Variants in ARHGDIG observed in about 807,000 individuals in gnomAD.
ARHGDIG encodes Rho GDP dissociation inhibitor gamma, also known as rho GDP-dissociation inhibitor 3.
In ARHGDIG, 14 loss-of-function variants were observed where a neutral mutation model predicts 20.2. The observed-to-expected ratio is 0.69, with a 90% CI of 0.46 to 1.08. ARHGDIG has a LOEUF of 1.08. ARHGDIG is among the 50% of genes least tolerant of loss of function. ARHGDIG has a pLI of 0.00. For synonymous variants in ARHGDIG, 193 were observed against 138.6 expected, an observed-to-expected ratio of 1.39 and a Z score of -2.76; for missense variants, 311 against 301.8, an observed-to-expected ratio of 1.03 and a Z score of -0.23.
Position 282,449 on chromosome 16 carries a change from T to G in ARHGDIG, c.415-18T>G. The G allele has an allele frequency of 6.2e-7, 1 of 1,611,696 alleles. No homozygotes were observed. The highest frequency in any genetic ancestry group is 8.5e-7 in the Non-Finnish European group (1 of 1,179,830). On this transcript the variant is annotated intron_variant, in intron 4 of 5. Transcript: ENST00000219409. Reference sequence around the variant, plus strand: ...GAGGCCTGGCCCCCAGAGGAACCCCTAATGCCTCTGTTCCCAGGTCCACAG... The same window carrying G: ...GAGGCCTGGCCCCCAGAGGAACCCCGAATGCCTCTGTTCCCAGGTCCACAG...
chr16:281,384 G>C (rs2052281083), intron 1 of ARHGDIG: 1 of 208,292 alleles, frequency 4.8e-6, no homozygotes, highest in African/African-American at 2.5e-5. Flanking sequence ...CAGTAGGTTT[G>C]GGGGCCGCCG....
intron 5 of ARHGDIG, 28 bp downstream of exon 5, chr16:282,558 C>CAGGGGGGGGGGAAAGGGGG: frequency 2.3e-6 from 3 of 1,310,076 alleles, no homozygotes; most frequent in Non-Finnish European, 3.0e-6. Flanking sequence ...GGGAACGGGG[C>CAGGGGGGGGGGAAAGGGGG]GGGGGGGGGA....
Position 281,749 on chromosome 16 carries a change from T to A in ARHGDIG, c.77T>A (p.Leu26His), listed in dbSNP as rs760173060. 3 of 1,586,556 alleles carry A rather than the reference T, an allele frequency of 1.9e-6. No individual in the cohort carries two copies. The Admixed American group carries it at 5.3e-5, about 28-fold the overall frequency. ...LLRLALCARV[L>H]LADKEGGPPA... is the part of the protein sequence containing the mutation. ...TCACGCCCCTCCCCACCCCCAGTCC[T>A]CCTGGCTGACAAGGAGGGTGGGCCG... Residue 26 changes from leucine (L) to histidine (H), a missense_variant, in exon 2 of 6, where the codon CTC (leucine) becomes CAC (histidine). By Grantham distance (99) the Leu-to-His change is moderately conservative. Transcript: ENST00000219409.
intron 3 of ARHGDIG, 75 bp downstream of exon 3, chr16:282,183 G>A (rs2052293192): frequency 6.2e-7 from 1 of 1,606,694 alleles, no homozygotes; most frequent in South Asian, 1.1e-5. Context: ...TGAGTTCCGA[G>A]CCCTGGGCCA....
At position 280,781 on chromosome 16, in the gene ARHGDIG, C is replaced by A; in HGVS notation, c.73+28C>A. 2 of 1,250,832 alleles carry A rather than the reference C, an allele frequency of 1.6e-6. No homozygotes were observed. The highest frequency in any genetic ancestry group is 2.0e-6 in the Non-Finnish European group (2 of 992,836). The allele number at this position is 1,250,832 out of a possible 1,614,324, so 77.5% of individuals were successfully genotyped here. ...GAGCGGGCCGGGCAGGGGCGGGGGGCTCGGCTGGTCTCAGCCCCGGGCGGG... is the reference window on the plus strand; with the variant it reads ...GAGCGGGCCGGGCAGGGGCGGGGGGATCGGCTGGTCTCAGCCCCGGGCGGG... On this transcript the variant is annotated intron_variant, in intron 1 of 5. Transcript: ENST00000219409. This position sits in a 1 kb window ranked among gnomAD's most constrained non-coding sequence, Gnocchi z 6.6.
At position 282,058 on chromosome 16, in the gene ARHGDIG, T is replaced by C; in HGVS notation, c.287T>C (p.Leu96Pro). The change falls in exon 3 of 6, where the codon CTG (leucine) becomes CCG (proline). Residue 96 changes from leucine to proline, a missense_variant. Coordinates refer to ENST00000219409, the MANE Select transcript of ARHGDIG (RefSeq NM_001176.4). ...PSLPNVQVTR[L>P]TLLSEQAPGP... is the part of the protein sequence containing the mutation. ...CTGCCCAATGTGCAGGTGACCAGGCTGACACTCCTGTCGGAACAGGCTCCG... is the reference window on the plus strand; with the variant it reads ...CTGCCCAATGTGCAGGTGACCAGGCCGACACTCCTGTCGGAACAGGCTCCG... The C allele has an allele frequency of 6.2e-7, 1 of 1,612,800 alleles. No individual in the cohort carries two copies. Among genetic ancestry groups the C allele is most frequent in the Non-Finnish European group, 8.5e-7 (1 of 1,179,916 alleles).
At position 282,903 on chromosome 16, in the gene ARHGDIG, T is replaced by TCCCCTGCTG. The variant is rs147027565; in HGVS notation, c.*116_*124dup. 16,265 of 1,302,440 alleles carry TCCCCTGCTG rather than the reference T, an allele frequency of 0.012. 299 individuals carry two copies. Among genetic ancestry groups the TCCCCTGCTG allele is most frequent in the African/African-American group, 0.072 (4,530 of 63,150 alleles). 80.7% of individuals were successfully genotyped at this position (1,302,440 alleles called of 1,614,324 possible). ...GCACCCCCCGTGAGTGACCAGACCC[T>TCCCCTGCTG]CCCCTGCTGCCCCTGCTGCCCCTGC... On this transcript the variant is annotated 3_prime_UTR_variant, in exon 6 of 6. Transcript: ENST00000219409.
At chr16:281,987 G>GGT in intron 2 of ARHGDIG, 38 bp from the exon 3 acceptor site, 1 of 1,605,444 alleles carries the variant, frequency 6.2e-7, no homozygotes, top group Non-Finnish European at 8.5e-7. Flanking sequence ...GCCTGGTGGG[G>GGT]GTGGGGGGCA....
intron 5 of ARHGDIG, 41 bp downstream of exon 5, chr16:282,571 C>A (rs777544650): frequency 1.9e-6 from 2 of 1,036,144 alleles, no homozygotes. Flanking sequence ...GGGGGGGAAG[C>A]GGGGGCAGAC....
chr16:282,169 C>A lies in ARHGDIG; in HGVS notation c.337+61C>A, dbSNP rs571979563. The A allele has an allele frequency of 3.1e-6, 5 of 1,607,164 alleles. No individual in the cohort carries two copies. In the African/African-American group the frequency reaches 5.3e-5, roughly 17 times the overall value. The stretch of plus-strand genomic sequence containing the variant: ...GGGCCCTCCCAGGCACGCTTCTGCA[C>A]CCCTGAGTTCCGAGCCCTGGGCCAT... On this transcript the variant is annotated intron_variant, in intron 3 of 5. Transcript: ENST00000219409.
In ARHGDIG at chr16:282,981, C is replaced by G; in HGVS notation, c.*167C>G. The G allele has an allele frequency of 1.1e-6, 1 of 898,230 alleles. No homozygotes were observed. The highest frequency in any genetic ancestry group is 1.6e-6 in the Non-Finnish European group (1 of 628,410). The allele number at this position is 898,230 out of a possible 1,614,324, so 55.6% of individuals were successfully genotyped here. The stretch of plus-strand genomic sequence containing the variant: ...GGCCTGGCGCTGTCCCCTGAGCTGT[C>G]CCATTAAACATGGCCCTGTCTCTCT... On this transcript the variant is annotated 3_prime_UTR_variant, in exon 6 of 6. Coordinates refer to ENST00000219409, the MANE Select transcript of ARHGDIG (RefSeq NM_001176.4).
chr16:282,623 A>G lies in ARHGDIG; in HGVS notation c.487A>G (p.Thr163Ala), dbSNP rs2052300054. 1 of 1,596,810 alleles carries G rather than the reference A, an allele frequency of 6.3e-7. No individual in the cohort carries two copies. The highest frequency in any genetic ancestry group is 1.7e-5 in the Admixed American group (1 of 58,708). The change falls in exon 6 of 6, where the codon ACC (threonine) becomes GCC (alanine). Residue 163 changes from threonine (T) to alanine (A), a missense_variant. By Grantham distance (58) the Thr-to-Ala change is moderately conservative. Coordinates refer to ENST00000219409, the MANE Select transcript of ARHGDIG (RefSeq NM_001176.4). ...TYRRGLRVDK[T>A]VYMVGSYGPS... ...GCCCTCGCCCTCCCTAGTGGACAAGACCGTCTACATGGTGGGCAGCTATGG... is the reference window on the plus strand; with the variant it reads ...GCCCTCGCCCTCCCTAGTGGACAAGGCCGTCTACATGGTGGGCAGCTATGG...
chr16:282,071 G>A lies in ARHGDIG; in HGVS notation c.300G>A (p.Ser100=), dbSNP rs758435281. 2.5e-5 allele frequency: 41 copies of A among 1,612,722 alleles called. No homozygotes were observed. The Middle Eastern group carries it at 4.9e-4, about 19-fold the overall frequency. ...AGGTGACCAGGCTGACACTCCTGTCGGAACAGGCTCCGGGGCCCGTCGTCA... is the reference window on the plus strand; with the variant it reads ...AGGTGACCAGGCTGACACTCCTGTCAGAACAGGCTCCGGGGCCCGTCGTCA... The part of the protein sequence containing the change: ...NVQVTRLTLL[S]EQAPGPVVMD... The change falls in exon 3 of 6, where the codon TCG becomes TCA. Residue 100 remains serine, a synonymous_variant. Coordinates refer to ENST00000219409, the MANE Select transcript of ARHGDIG (RefSeq NM_001176.4).
In ARHGDIG at chr16:281,909, C is replaced by T. The variant is rs371718533; in HGVS notation, c.237C>T (p.Pro79=). 9.4e-5 allele frequency: 151 copies of T among 1,605,986 alleles called. No individual in the cohort carries two copies. The highest frequency in any genetic ancestry group is 1.2e-4 in the Non-Finnish European group (143 of 1,178,524). ...LAKYKRVLLG[P]LPPAVDPSLP... ...AGTACAAGCGGGTGCTGCTGGGGCC[C>T]CTGCCACCGGCCGTGGGTATGGCAG... The change falls in exon 2 of 6, where the codon CCC becomes CCT. Residue 79 remains proline, a synonymous_variant. Transcript: ENST00000219409.
chr16:280,917 T>C lies in ARHGDIG; in HGVS notation c.73+164T>C. 3.2e-6 allele frequency: 1 copy of C among 313,660 alleles called. No homozygotes were observed. The highest frequency in any genetic ancestry group is 5.5e-6 in the Non-Finnish European group (1 of 181,670). The allele number at this position is 313,660 out of a possible 1,614,324, so 19.4% of individuals were successfully genotyped here. On this transcript the variant is annotated intron_variant, in intron 1 of 5. Coordinates refer to ENST00000219409, the MANE Select transcript of ARHGDIG (RefSeq NM_001176.4). This position sits in a 1 kb window ranked among gnomAD's most constrained non-coding sequence, Gnocchi z 6.6. The stretch of plus-strand genomic sequence containing the variant: ...GGGGACTTCATCCAGGCTCCAGCCC[T>C]GTGGGGAAGGGACCAGGTGCGGACG...
At chr16:281,600 T>C in intron 1 of ARHGDIG, 146 bp from the exon 2 acceptor site, 1 of 1,006,040 alleles carries the variant, frequency 9.9e-7, no homozygotes, top group South Asian at 1.7e-5. Flanking sequence ...CTGCTCTCTC[T>C]GCTCGCTCTC....
rs781704087 is a variant in ARHGDIG, at chr16:282,487, C to T, written c.435C>T (p.Ser145=). 32 of 1,555,132 alleles carry T rather than the reference C, an allele frequency of 2.1e-5. No homozygotes were observed. Among genetic ancestry groups the T allele is most frequent in the South Asian group, 8.9e-5 (8 of 89,982 alleles). Residue 145 remains serine, a synonymous_variant, in exon 5 of 6, where the codon AGC becomes AGT. Coordinates refer to ENST00000219409, the MANE Select transcript of ARHGDIG (RefSeq NM_001176.4). The stretch of plus-strand genomic sequence containing the variant: ...CCCAGGTCCACAGGGAGATTGTCAG[C>T]GGCCTCAAGTGTCTGCACCACACCT... ...ISFKVHREIV[S]GLKCLHHTYR... is the part of the protein sequence containing the mutation.
intron 1 of ARHGDIG, chr16:281,134 G>A (rs1037779242): frequency 6.5e-6 from 1 of 154,810 alleles, no homozygotes; most frequent in East Asian, 1.9e-4. Context: ...AGGGGCTTCA[G>A]GAGGCCACCA....
At position 281,944 on chromosome 16, in the gene ARHGDIG, C is replaced by T. The variant is rs1012995287; in HGVS notation, c.253+19C>T. The T allele has an allele frequency of 3.2e-6, 5 of 1,569,868 alleles. No individual in the cohort carries two copies. Among genetic ancestry groups the T allele is most frequent in the Non-Finnish European group, 4.3e-6 (5 of 1,158,394 alleles). ...GCCGTGGGTATGGCAGGGGTCTAGGCTTGGAGGGCTGGGTCTGGGGGGCTG... is the reference window on the plus strand; with the variant it reads ...GCCGTGGGTATGGCAGGGGTCTAGGTTTGGAGGGCTGGGTCTGGGGGGCTG... On this transcript the variant is annotated intron_variant, in intron 2 of 5. Coordinates refer to ENST00000219409, the MANE Select transcript of ARHGDIG (RefSeq NM_001176.4).
Sources: gnomAD v4.1 joint callset for allele counts on GRCh38, gnomAD v4.1.1 for gene constraint, Gnocchi (gnomAD v3.1) non-coding constraint, MANE v1.5 for transcripts, NCBI Gene and HGNC (gene_info 2026-07-23, HGNC 2026-07-21) for gene names.